Variants in TRIM2 observed in about 807,000 individuals in gnomAD.
TRIM2 encodes tripartite motif containing 2, also known as tripartite motif-containing protein 2.
Under a neutral mutation model 75.2 loss-of-function variants are expected in TRIM2, and 20 were observed. The ratio of observed to expected loss-of-function variants is 0.27; its 90% CI spans 0.19 to 0.39. The LOEUF is 0.39. Ranked by LOEUF, TRIM2 falls within the 10% of genes least tolerant of loss-of-function variation. The probability of loss-of-function intolerance (pLI) is 1.00; values close to 1 mark genes in which losing one functional copy is unlikely to be tolerated. For missense variants in TRIM2, 660 were observed against 990.8 expected, an observed-to-expected ratio of 0.67 and a Z score of 4.48; for synonymous variants, 373 against 388.3, an observed-to-expected ratio of 0.96 and a Z score of 0.46.
chr4:153,179,389 TAATAA>T (rs1231337957), intron 1 of TRIM2, among the ~76,000 whole-genome samples: 5 of 151,544 alleles, frequency 3.3e-5, no homozygotes, highest in Middle Eastern at 3.4e-3. Flanking sequence ...ATTTGATTAT[TAATAA>T]AATAAAAGCT....
intron 1 of TRIM2, among the ~76,000 whole-genome samples, chr4:153,206,277 C>T (rs905116390): frequency 4.6e-5 from 7 of 152,182 alleles, no homozygotes; most frequent in African/African-American, 1.7e-4. Context: ...AGCTGGCTAT[C>T]CATGAGAAGT....
At chr4:153,265,103 C>T (rs141502334) in intron 1 of TRIM2, among the ~76,000 whole-genome samples, 2,822 of 151,194 alleles carry the variant, frequency 0.019, 31 homozygotes, top group Non-Finnish European at 0.027. Flanking sequence ...ATTTAGTCAA[C>T]GTATATCATT....
intron 3 of TRIM2, among the ~76,000 whole-genome samples, chr4:153,285,760 C>T (rs28895949): frequency 0.14 from 20,755 of 150,264 alleles, 1,522 homozygotes; most frequent in African/African-American, 0.2. Flanking sequence ...AATGTGTGTG[C>T]GTGTGTGTGT....
intron 1 of TRIM2, among the ~76,000 whole-genome samples, chr4:153,176,726 T>G (rs1731471826): frequency 6.6e-6 from 1 of 152,136 alleles, no homozygotes; most frequent in African/African-American, 2.4e-5. Flanking sequence ...TTCTCGAGCC[T>G]CAGCCTCCCA....
At chr4:153,186,301 C>T (rs751942185) in intron 1 of TRIM2, among the ~76,000 whole-genome samples, 5 of 152,134 alleles carry the variant, frequency 3.3e-5, no homozygotes, top group Non-Finnish European at 7.4e-5. Flanking sequence ...TCTTAGGTTA[C>T]ATTCAGCCCT....
At chr4:153,215,929 C>T (rs1446197161) in intron 1 of TRIM2, among the ~76,000 whole-genome samples, 2 of 152,098 alleles carry the variant, frequency 1.3e-5, no homozygotes, top group Non-Finnish European at 2.9e-5. Context: ...CCAAGCAATA[C>T]AGTTCAAAAA....
intron 1 of TRIM2, among the ~76,000 whole-genome samples, chr4:153,213,204 C>T (rs1737540300): frequency 1.3e-5 from 2 of 152,184 alleles, no homozygotes; most frequent in Admixed American, 6.5e-5. Context: ...AGAAAATTGT[C>T]CCAAGCCGCA....
chr4:153,336,790 T>G lies in TRIM2; in HGVS notation c.*1824T>G. On this transcript the variant is annotated 3_prime_UTR_variant, in exon 12 of 12. Coordinates refer to ENST00000338700, the MANE Select transcript of TRIM2 (RefSeq NM_015271.5). ...AATTTATTATGCCCAAATCAACCTC[T>G]GAAAAAAGGTTTTTCCAGGAAGATT... 3.0e-6 allele frequency: 3 copies of G among 985,640 alleles called. No homozygotes were observed. The highest frequency in any genetic ancestry group is 3.6e-6 in the Non-Finnish European group (3 of 829,738). The allele number at this position is 985,640 out of a possible 1,614,324, so 61.1% of individuals were successfully genotyped here.
chr4:153,211,488 CTTTT>C (rs112668688), intron 1 of TRIM2, among the ~76,000 whole-genome samples: 9 of 135,028 alleles, frequency 6.7e-5, no homozygotes, highest in South Asian at 2.3e-4. Flanking sequence ...TTTTCTTTTT[CTTTT>C]TTTTTTTTTT....
At chr4:153,297,312 G>A (rs545131688) in intron 6 of TRIM2, among the ~76,000 whole-genome samples, 1 of 152,166 alleles carries the variant, frequency 6.6e-6, no homozygotes, top group African/African-American at 2.4e-5. Flanking sequence ...CAGAGTGGAC[G>A]AGCTTGGGTG....
At chr4:153,229,817 C>A (rs1305281152) in intron 1 of TRIM2, among the ~76,000 whole-genome samples, 1 of 152,214 alleles carries the variant, frequency 6.6e-6, no homozygotes, top group Admixed American at 6.5e-5. Flanking sequence ...ATACTCCATG[C>A]TAAAACTAAA....
At chr4:153,323,541 G>C (rs1326101000) in intron 9 of TRIM2, among the ~76,000 whole-genome samples, 1 of 152,168 alleles carries the variant, frequency 6.6e-6, no homozygotes, top group East Asian at 1.9e-4. Context: ...GAGTGCAGTG[G>C]CGTGATCTCA....
chr4:153,251,049 A>C (rs1300771199), intron 1 of TRIM2, among the ~76,000 whole-genome samples: 1 of 152,332 alleles, frequency 6.6e-6, no homozygotes, highest in East Asian at 1.9e-4. Context: ...CTGGTTCCCA[A>C]TTAATCTACT....
intron 11 of TRIM2, among the ~76,000 whole-genome samples, chr4:153,332,415 C>T (rs1390171097): frequency 6.6e-6 from 1 of 152,062 alleles, no homozygotes; most frequent in Non-Finnish European, 1.5e-5. Context: ...GAGGCCAAGG[C>T]GGGTGGATGA....
At chr4:153,244,382 TTC>T (rs1560874732) in intron 1 of TRIM2, among the ~76,000 whole-genome samples, 14 of 69,746 alleles carry the variant, frequency 2.0e-4, no homozygotes, top group Non-Finnish European at 2.7e-4. Flanking sequence ...CTTCTTCTTC[TTC>T]TTCTTCTTCT....
At chr4:153,285,047 C>A (rs181933083) in intron 3 of TRIM2, among the ~76,000 whole-genome samples, 257 of 152,206 alleles carry the variant, frequency 1.7e-3, no homozygotes, top group Non-Finnish European at 3.0e-3. Flanking sequence ...ACCCCTGTTT[C>A]CTTCTAAGAT....
chr4:153,247,164 A>C (rs890482735), intron 1 of TRIM2, among the ~76,000 whole-genome samples: 5 of 152,200 alleles, frequency 3.3e-5, no homozygotes, highest in African/African-American at 1.2e-4. Flanking sequence ...TGACCAGCAC[A>C]AAAGTCCAGG....
intron 1 of TRIM2, among the ~76,000 whole-genome samples, chr4:153,211,945 T>C (rs578131482): frequency 4.6e-5 from 7 of 152,242 alleles, no homozygotes; most frequent in Non-Finnish European, 7.3e-5. Context: ...GGTTTGTTAC[T>C]GCACATCTTT....
At chr4:153,202,807 T>G (rs1734536986), upstream of TRIM2, among the ~76,000 whole-genome samples, 1 of 151,276 alleles carries the variant, frequency 6.6e-6, no homozygotes, top group Non-Finnish European at 1.5e-5. Context: ...CTGTAATAGC[T>G]TTAAAAGGGG....
Sources: gnomAD v4.1 joint callset for allele counts (sites outside exome capture counted in the v4.1 genomes callset) on GRCh38, gnomAD v4.1.1 for gene constraint, MANE v1.5 for transcripts, NCBI Gene and HGNC (gene_info 2026-07-23, HGNC 2026-07-21) for gene names.